The following UBE2G1 variants were observed in gnomAD, a reference collection of about 807,000 sequenced individuals.
UBE2G1 encodes ubiquitin conjugating enzyme E2 G1, also known as ubiquitin-conjugating enzyme E2 G1.
A neutral mutation model predicts 22.7 loss-of-function variants in UBE2G1; 5 were observed. The observed-to-expected ratio is 0.22, with a 90% CI of 0.12 to 0.46. The LOEUF (loss-of-function observed/expected upper bound fraction) is 0.46, where lower values mean the gene tolerates loss of function less well. Ranked by LOEUF, UBE2G1 falls within the 20% of genes least tolerant of loss-of-function variation. The pLI is 0.99. For synonymous variants in UBE2G1, 74 were observed against 67.5 expected, an observed-to-expected ratio of 1.10 and a Z score of -0.47; for missense variants, 88 against 203.9, an observed-to-expected ratio of 0.43 and a Z score of 3.46.
intron 1 of UBE2G1, among the ~76,000 whole-genome samples, chr17:4,350,762 T>C (rs1048279027): frequency 6.6e-6 from 1 of 151,888 alleles, no homozygotes; most frequent in Non-Finnish European, 1.5e-5. Flanking sequence ...GCTGGACGTG[T>C]TGGCTCACGT....
chr17:4,336,907 C>CA (rs1306324649), intron 1 of UBE2G1, among the ~76,000 whole-genome samples: 1 of 152,114 alleles, frequency 6.6e-6, no homozygotes, highest in African/African-American at 2.4e-5. Flanking sequence ...AGTCTCTATG[C>CA]AACAGTTATA....
At chr17:4,306,909 CA>C (rs1969255014) in intron 2 of UBE2G1, 111 bp downstream of exon 2, 12 of 924,292 alleles carry the variant, frequency 1.3e-5, no homozygotes. Flanking sequence ...CTTGGCCTCC[CA>C]AAGTGCTGGG....
chr17:4,294,619 T>G (rs963604880), intron 3 of UBE2G1, among the ~76,000 whole-genome samples: 3 of 151,968 alleles, frequency 2.0e-5, no homozygotes, highest in African/African-American at 7.3e-5. Context: ...TTTTCACAGA[T>G]AGAAAACATA....
rs973132056 is a variant in UBE2G1 at position 4,271,601 on chromosome 17, G to A, written c.*953C>T. 1 of 149,616 alleles carries A rather than the reference G, an allele frequency of 6.7e-6. No homozygotes were observed. Among genetic ancestry groups the A allele is most frequent in the African/African-American group, 2.5e-5 (1 of 40,304 alleles). The allele number at this position is 149,616 out of a possible 1,614,324, so 9.3% of individuals were successfully genotyped here. On this transcript the variant is annotated 3_prime_UTR_variant, in exon 6 of 6. Coordinates refer to ENST00000396981, the MANE Select transcript of UBE2G1 (RefSeq NM_003342.5). ...TATGAAGGACTAAGGAGAAGGGTAT[G>A]AGAGTAAATAGGATTTGTAATAGCA...
chr17:4,318,027 T>C (rs907013059), intron 1 of UBE2G1, among the ~76,000 whole-genome samples: 1 of 152,234 alleles, frequency 6.6e-6, no homozygotes, highest in Non-Finnish European at 1.5e-5. Flanking sequence ...CAGCATATGA[T>C]ATTATGTATT....
intron 3 of UBE2G1, among the ~76,000 whole-genome samples, chr17:4,293,142 C>G (rs1457216614): frequency 1.3e-5 from 2 of 152,132 alleles, no homozygotes; most frequent in Non-Finnish European, 2.9e-5. Flanking sequence ...TCAATCCCCC[C>G]CACCTCCCCT....
intron 3 of UBE2G1, 128 bp downstream of exon 3, chr17:4,296,589 T>C: frequency 1.1e-6 from 1 of 932,220 alleles, no homozygotes. Flanking sequence ...CACAGCCATG[T>C]GCACAATGAA....
intron 4 of UBE2G1, 118 bp downstream of exon 4, chr17:4,289,112 C>A (rs1200482142): frequency 4.1e-5 from 19 of 468,886 alleles, no homozygotes; most frequent in Non-Finnish European, 5.8e-5. Context: ...GAGATACACA[C>A]ACACACACAC....
chr17:4,337,899 G>C (rs1469656795), intron 1 of UBE2G1, among the ~76,000 whole-genome samples: 1 of 152,048 alleles, frequency 6.6e-6, no homozygotes, highest in Non-Finnish European at 1.5e-5. Flanking sequence ...AGCCAGGAAC[G>C]GTGGCTCATG....
At chr17:4,328,306 G>GT (rs1330728831) in intron 1 of UBE2G1, among the ~76,000 whole-genome samples, 1 of 152,156 alleles carries the variant, frequency 6.6e-6, no homozygotes, top group African/African-American at 2.4e-5. Context: ...AATTTTTAAA[G>GT]TAAATGTACA....
intron 1 of UBE2G1, among the ~76,000 whole-genome samples, chr17:4,310,808 A>G (rs937843383): frequency 6.6e-6 from 1 of 152,148 alleles, no homozygotes; most frequent in East Asian, 1.9e-4. Flanking sequence ...TGAAAAGTGT[A>G]CCTCGAGTAT....
chr17:4,336,018 C>T (rs753777045), intron 1 of UBE2G1, among the ~76,000 whole-genome samples: 3 of 152,080 alleles, frequency 2.0e-5, no homozygotes, highest in South Asian at 4.2e-4. Flanking sequence ...TGGTGGCAGG[C>T]GCCTGTAATT....
chr17:4,331,115 C>T (rs1969572435), intron 1 of UBE2G1, among the ~76,000 whole-genome samples: 2 of 151,802 alleles, frequency 1.3e-5, no homozygotes, highest in Non-Finnish European at 2.9e-5. Flanking sequence ...ATGAAGAACA[C>T]AATAAAAAGT....
At chr17:4,288,902 T>C (rs1464809960) in intron 4 of UBE2G1, among the ~76,000 whole-genome samples, 2 of 152,032 alleles carry the variant, frequency 1.3e-5, no homozygotes, top group Non-Finnish European at 1.5e-5. Context: ...TGGTCAGGCA[T>C]GGTGGCTCAC....
At position 4,307,005 on chromosome 17, in the gene UBE2G1, G is replaced by A; in HGVS notation, c.149+16C>T. The A allele has an allele frequency of 6.2e-7, 1 of 1,602,922 alleles. No individual in the cohort carries two copies. The highest frequency in any genetic ancestry group is 8.5e-7 in the Non-Finnish European group (1 of 1,170,616). On this transcript the variant is annotated intron_variant, in intron 2 of 5. Transcript: ENST00000396981. ...AAAGAGCTCCATTTTGAAGATGTCA[G>A]TTCCATTATACTTACTAAAGTGTAT...
intron 1 of UBE2G1, among the ~76,000 whole-genome samples, chr17:4,312,369 A>G (rs1969319885): frequency 6.6e-6 from 1 of 152,192 alleles, no homozygotes; most frequent in African/African-American, 2.4e-5. Context: ...GATGTAACCG[A>G]ATGAATTCTA....
At chr17:4,319,723 G>GAA (rs536232143) in intron 1 of UBE2G1, among the ~76,000 whole-genome samples, 1 of 137,930 alleles carries the variant, frequency 7.3e-6, no homozygotes, top group Non-Finnish European at 1.6e-5. Context: ...CACCTGTGTC[G>GAA]AAAAAAAAAA....
At chr17:4,329,109 G>GAAAAAAAAA (rs56962666) in intron 1 of UBE2G1, among the ~76,000 whole-genome samples, 2 of 91,740 alleles carry the variant, frequency 2.2e-5, no homozygotes, top group African/African-American at 8.2e-5. Context: ...GTCTCAAAAA[G>GAAAAAAAAA]AAAAAAAAAA....
At chr17:4,352,132 C>G (rs1389040801) in intron 1 of UBE2G1, among the ~76,000 whole-genome samples, 1 of 152,166 alleles carries the variant, frequency 6.6e-6, no homozygotes, top group African/African-American at 2.4e-5. Flanking sequence ...GTGACAAAAT[C>G]AAAGGATCAT....
Sources: allele counts gnomAD v4.1 joint callset (sites outside exome capture counted in the v4.1 genomes callset), GRCh38; gene constraint gnomAD v4.1.1; transcripts MANE v1.5; gene names NCBI Gene and HGNC (gene_info 2026-07-23, HGNC 2026-07-21).